The following KIF16B variants were observed in gnomAD, a reference collection of about 807,000 sequenced individuals.
The protein encoded by KIF16B is kinesin-like protein KIF16B.
Under a neutral mutation model 156.3 loss-of-function variants are expected in KIF16B, and 98 were observed. The observed-to-expected ratio is 0.63, with a 90% CI of 0.53 to 0.74. The LOEUF is 0.74. KIF16B is among the 30% of genes least tolerant of loss of function. The probability of loss-of-function intolerance (pLI) is 0.00; values close to 1 mark genes in which losing one functional copy is unlikely to be tolerated. For missense variants in KIF16B, 1,421 were observed against 1,606.5 expected (o/e 0.88, Z 1.97); for synonymous variants, 564 against 583.7 (o/e 0.97, Z 0.49).
rs1267730939 is a variant in KIF16B, at chr20:16,272,537, G to A, written c.*716C>T. The A allele has an allele frequency of 6.6e-6, 1 of 152,582 alleles. No homozygotes were observed. Among genetic ancestry groups the A allele is most frequent in the Admixed American group, 6.5e-5 (1 of 15,280 alleles). 9.5% of individuals were successfully genotyped at this position (152,582 alleles called of 1,614,324 possible). A position where few individuals can be genotyped will look rare whatever the true frequency, so the allele number is the denominator to read the frequency against. ...AATGCACAGTAGCCATTTAGATTTG[G>A]GAGAATGTTCTTGAATATTCAAGGT... On this transcript the variant is annotated 3_prime_UTR_variant, in exon 26 of 26. Coordinates refer to ENST00000354981, the MANE Select transcript of KIF16B (RefSeq NM_024704.5).
intron 12 of KIF16B, among the ~76,000 whole-genome samples, chr20:16,491,617 T>A (rs556027119): frequency 6.6e-6 from 1 of 152,246 alleles, no homozygotes; most frequent in Admixed American, 6.5e-5. Context: ...GGAAGTAGGG[T>A]ACGTGGCAGT....
At chr20:16,288,156 G>C (rs956897705) in intron 25 of KIF16B, among the ~76,000 whole-genome samples, 1 of 152,212 alleles carries the variant, frequency 6.6e-6, no homozygotes, top group African/African-American at 2.4e-5. Flanking sequence ...CTCTAATGCA[G>C]CACCATGAGC....
At chr20:16,436,348 C>A (rs1486366978) in intron 12 of KIF16B, among the ~76,000 whole-genome samples, 10 of 152,082 alleles carry the variant, frequency 6.6e-5, no homozygotes, top group Non-Finnish European at 1.3e-4. Context: ...TTGTTTGAGG[C>A]CCAGCCCTCT....
intron 23 of KIF16B, among the ~76,000 whole-genome samples, chr20:16,339,591 C>T (rs367717287): frequency 3.5e-4 from 53 of 152,286 alleles, no homozygotes; most frequent in African/African-American, 1.2e-3. Context: ...GTCTAATACG[C>T]ATCTCACACT....
intron 1 of KIF16B, among the ~76,000 whole-genome samples, chr20:16,561,409 A>G (rs1265288119): frequency 6.6e-6 from 1 of 152,178 alleles, no homozygotes; most frequent in Non-Finnish European, 1.5e-5. Context: ...CTTCCAAAAC[A>G]TAAGCGCCCT....
At chr20:16,534,930 G>C (rs990267575) in intron 1 of KIF16B, among the ~76,000 whole-genome samples, 7 of 152,098 alleles carry the variant, frequency 4.6e-5, no homozygotes, top group African/African-American at 1.7e-4. Context: ...AAGTCAGGTA[G>C]TATGATGCCT....
At chr20:16,438,844 T>C (rs947896371) in intron 12 of KIF16B, among the ~76,000 whole-genome samples, 10 of 152,224 alleles carry the variant, frequency 6.6e-5, no homozygotes, top group African/African-American at 1.7e-4. Flanking sequence ...TAACATGTTC[T>C]ACATCCCTGC....
chr20:16,537,660 C>T (rs1600654062), intron 1 of KIF16B, among the ~76,000 whole-genome samples: 1 of 151,896 alleles, frequency 6.6e-6, no homozygotes, highest in East Asian at 1.9e-4. Context: ...AAAGTATCTT[C>T]CCACTTCCCA....
intron 23 of KIF16B, among the ~76,000 whole-genome samples, chr20:16,340,569 T>C (rs1344712730): frequency 6.6e-6 from 1 of 152,196 alleles, no homozygotes; most frequent in Non-Finnish European, 1.5e-5. Flanking sequence ...CTCTGCCTCT[T>C]AGTGACAATG....
intron 1 of KIF16B, among the ~76,000 whole-genome samples, chr20:16,548,943 G>A (rs1375015519): frequency 6.6e-6 from 1 of 151,466 alleles, no homozygotes; most frequent in Non-Finnish European, 1.5e-5. Context: ...AAGGGAAATG[G>A]TCTAAAGTAA....
intron 12 of KIF16B, among the ~76,000 whole-genome samples, chr20:16,440,510 A>G (rs1312451790): frequency 6.7e-6 from 1 of 148,226 alleles, no homozygotes; most frequent in Non-Finnish European, 1.5e-5. Context: ...TACAATACCT[A>G]TGGTTAAAAC....
chr20:16,278,176 G>A (rs1392917892), intron 25 of KIF16B, among the ~76,000 whole-genome samples: 4 of 152,138 alleles, frequency 2.6e-5, no homozygotes, highest in Non-Finnish European at 4.4e-5. Flanking sequence ...AGAAGAGGCC[G>A]AGAGAGACAG....
At chr20:16,419,606 T>C (rs1209864011) in intron 15 of KIF16B, among the ~76,000 whole-genome samples, 1 of 152,074 alleles carries the variant, frequency 6.6e-6, no homozygotes, top group Non-Finnish European at 1.5e-5. Context: ...AGATGCCAAT[T>C]CTGTAGCACT....
chr20:16,420,419 G>GT (rs141484406), intron 15 of KIF16B, among the ~76,000 whole-genome samples: 1 of 152,114 alleles, frequency 6.6e-6, no homozygotes, highest in Non-Finnish European at 1.5e-5. Flanking sequence ...TACTACCAGT[G>GT]TTTTTTAATG....
intron 12 of KIF16B, among the ~76,000 whole-genome samples, chr20:16,472,870 G>C (rs774500815): frequency 1.3e-5 from 2 of 152,116 alleles, no homozygotes; most frequent in African/African-American, 2.4e-5. Flanking sequence ...CGTTTGTTTT[G>C]AGTTAAACAG....
Position 16,428,966 on chromosome 20 carries a change from C to T in KIF16B, c.1461G>A (p.Thr487=). The T allele has an allele frequency of 1.9e-6, 3 of 1,613,262 alleles. No individual in the cohort carries two copies. Among genetic ancestry groups the T allele is most frequent in the African/African-American group, 1.3e-5 (1 of 74,980 alleles). Residue 487 remains threonine (T), a synonymous_variant, in exon 14 of 26, where the codon ACG becomes ACA. Transcript: ENST00000354981. ...QTYVGRDDAS[T]EQDIVLHGLD... ...AAATATGCTCACCAATATCTTGCTC[C>T]GTGGAAGCATCGTCTCTACCAACGT...
intron 12 of KIF16B, among the ~76,000 whole-genome samples, chr20:16,449,156 T>C (rs2067013404): frequency 6.6e-6 from 1 of 151,446 alleles, no homozygotes; most frequent in Non-Finnish European, 1.5e-5. Context: ...AAAGAATAAA[T>C]GAGGGACAAG....
chr20:16,567,869 A>G (rs367577723), intron 1 of KIF16B, among the ~76,000 whole-genome samples: 65 of 152,188 alleles, frequency 4.3e-4, no homozygotes, highest in Non-Finnish European at 6.8e-4. Context: ...GGAGAATGGC[A>G]TGAACCCGGG....
At chr20:16,355,534 GCACA>G (rs2064421734) in intron 23 of KIF16B, among the ~76,000 whole-genome samples, 1 of 152,108 alleles carries the variant, frequency 6.6e-6, no homozygotes, top group Non-Finnish European at 1.5e-5. Context: ...CCTTATGCAT[GCACA>G]CACTGGTGAT....
Sources: allele counts gnomAD v4.1 joint callset (sites outside exome capture counted in the v4.1 genomes callset), GRCh38; gene constraint gnomAD v4.1.1; transcripts MANE v1.5; gene names NCBI Gene and HGNC (gene_info 2026-07-23, HGNC 2026-07-21).